The following CPLX2 variants were observed in gnomAD, a reference collection of about 807,000 sequenced individuals.
CPLX2 encodes complexin-2.
In CPLX2, 5 loss-of-function variants were observed where a neutral mutation model predicts 16.3. The observed-to-expected ratio is 0.31, with a 90% CI of 0.16 to 0.64. The LOEUF (loss-of-function observed/expected upper bound fraction) is 0.64, where lower values mean the gene tolerates loss of function less well. Among genes scored for constraint, CPLX2 ranks in the 30% least tolerant of loss-of-function variants. The pLI is 0.79. For synonymous variants in CPLX2, 89 were observed against 73.2 expected (o/e 1.22, Z -1.10); for missense variants, 144 against 181.4 (o/e 0.79, Z 1.18).
At chr5:175,875,648 A>G (rs1759740365) in intron 1 of CPLX2, among the ~76,000 whole-genome samples, 1 of 152,120 alleles carries the variant, frequency 6.6e-6, no homozygotes, top group Non-Finnish European at 1.5e-5. Context: ...GACCCCTTAT[A>G]CTTTCGCCCG....
chr5:175,881,628 G>C lies in CPLX2; in HGVS notation c.*1583G>C, dbSNP rs1051519893. 1 of 152,796 alleles carries C rather than the reference G, an allele frequency of 6.5e-6. No individual in the cohort carries two copies. The highest frequency in any genetic ancestry group is 2.4e-5 in the African/African-American group (1 of 41,434). 9.5% of individuals were successfully genotyped at this position (152,796 alleles called of 1,614,324 possible). A position where few individuals can be genotyped will look rare whatever the true frequency, so the allele number is the denominator to read the frequency against. ...GGATGTGTGCGTGGGGAGAAAGAACGTGGGTAAGATGTCCCTTCCCAGCCC... is the reference window on the plus strand; with the variant it reads ...GGATGTGTGCGTGGGGAGAAAGAACCTGGGTAAGATGTCCCTTCCCAGCCC... On this transcript the variant is annotated 3_prime_UTR_variant, in exon 4 of 4. Coordinates refer to ENST00000393745, the MANE Select transcript of CPLX2 (RefSeq NM_001008220.2).
intron 1 of CPLX2, among the ~76,000 whole-genome samples, chr5:175,807,990 C>A (rs533063602): frequency 8.9e-4 from 135 of 152,270 alleles, no homozygotes; most frequent in African/African-American, 3.1e-3. Context: ...CTTCCTGGAG[C>A]CACTGAGAGC....
chr5:175,878,713 T>C lies in CPLX2; in HGVS notation c.-27T>C. The C allele has an allele frequency of 6.2e-7, 1 of 1,612,148 alleles. No homozygotes were observed. The highest frequency in any genetic ancestry group is 8.5e-7 in the Non-Finnish European group (1 of 1,179,478). Reference sequence around the variant, plus strand: ...GCTGCATGCAAATTCTGCCGTGGGCTAAGGCACGCTAACCAGAGCCGGCGG... The same window carrying C: ...GCTGCATGCAAATTCTGCCGTGGGCCAAGGCACGCTAACCAGAGCCGGCGG... On this transcript the variant is annotated 5_prime_UTR_variant, in exon 2 of 4. Transcript: ENST00000393745.
chr5:175,857,497 CA>C (rs1759281740), intron 2 of CPLX2, among the ~76,000 whole-genome samples: 1 of 152,200 alleles, frequency 6.6e-6, no homozygotes, highest in Non-Finnish European at 1.5e-5. Flanking sequence ...ACCTACTGAG[CA>C]TCATTGCTGA....
chr5:175,842,917 C>T (rs1386376869), intron 2 of CPLX2, among the ~76,000 whole-genome samples: 1 of 152,200 alleles, frequency 6.6e-6, no homozygotes, highest in Non-Finnish European at 1.5e-5. Flanking sequence ...GAGAACATCC[C>T]ACCAAGTTTC....
chr5:175,848,962 A>C (rs143185593), intron 2 of CPLX2, among the ~76,000 whole-genome samples: 1 of 152,208 alleles, frequency 6.6e-6, no homozygotes, highest in East Asian at 1.9e-4. Context: ...CATAGAGGAG[A>C]CGGCTCAGTT....
chr5:175,821,068 C>T (rs1010125589), intron 2 of CPLX2, among the ~76,000 whole-genome samples: 1 of 152,176 alleles, frequency 6.6e-6, no homozygotes, highest in African/African-American at 2.4e-5. Flanking sequence ...AAGATCCTGG[C>T]TGCTCCTGAC....
At chr5:175,867,834 TG>T (rs927511791), upstream of CPLX2, among the ~76,000 whole-genome samples, 3 of 152,196 alleles carry the variant, frequency 2.0e-5, no homozygotes, top group Admixed American at 2.0e-4. Context: ...TGCACACTTA[TG>T]GGTTTGCCCT....
At chr5:175,799,552 A>ATATATTTATATT (rs1561766335) in intron 1 of CPLX2, among the ~76,000 whole-genome samples, 4 of 133,362 alleles carry the variant, frequency 3.0e-5, no homozygotes, top group African/African-American at 6.1e-5. Context: ...ATATATATAT[A>ATATATTTATATT]TATATATATA....
rs908679012 is a variant in CPLX2, at chr5:175,881,573, T to C, written c.*1528T>C. The C allele has an allele frequency of 1.3e-5, 2 of 153,012 alleles. No individual in the cohort carries two copies. Among genetic ancestry groups the C allele is most frequent in the Non-Finnish European group, 2.9e-5 (2 of 68,136 alleles). 9.5% of individuals were successfully genotyped at this position (153,012 alleles called of 1,614,324 possible). A position where few individuals can be genotyped will look rare whatever the true frequency, so the allele number is the denominator to read the frequency against. ...CATTTGAAGGCTGCTGTGTGCATGT[T>C]TGGGGGTCTGAAAAGACAGTTGTGT... On this transcript the variant is annotated 3_prime_UTR_variant, in exon 4 of 4. Coordinates refer to ENST00000393745, the MANE Select transcript of CPLX2 (RefSeq NM_001008220.2).
chr5:175,853,292 A>C (rs1274159106), intron 2 of CPLX2, among the ~76,000 whole-genome samples: 1 of 152,226 alleles, frequency 6.6e-6, no homozygotes, highest in South Asian at 2.1e-4. Context: ...CCGGGGACAC[A>C]CTGGCTCCTC....
intron 1 of CPLX2, chr5:175,805,455 G>A (rs1461196829): frequency 6.6e-6 from 1 of 152,242 alleles, no homozygotes; most frequent in Non-Finnish European, 1.5e-5. Context: ...AGGGAAAACG[G>A]ACACCTGTGG....
At chr5:175,812,547 A>T (rs1758331367) in intron 2 of CPLX2, among the ~76,000 whole-genome samples, 1 of 152,210 alleles carries the variant, frequency 6.6e-6, no homozygotes. Context: ...CAAAATGGAA[A>T]ATTTCAAGAT....
intron 3 of CPLX2, among the ~76,000 whole-genome samples, 190 bp downstream of exon 3, chr5:175,879,273 TAA>T (rs1755509002): frequency 6.6e-6 from 1 of 152,194 alleles, no homozygotes; most frequent in Admixed American, 6.5e-5. Flanking sequence ...GGGGATTAAA[TAA>T]GAGAATGCGC....
At chr5:175,813,701 A>G (rs529541907) in intron 2 of CPLX2, among the ~76,000 whole-genome samples, 58 of 152,368 alleles carry the variant, frequency 3.8e-4, no homozygotes. Flanking sequence ...GGCACAGACC[A>G]TCGGGGATCC....
chr5:175,850,630 CCCTGAGAAGT>C (rs1465580133), intron 2 of CPLX2, among the ~76,000 whole-genome samples: 15 of 152,322 alleles, frequency 9.8e-5, no homozygotes, highest in African/African-American at 3.6e-4. Flanking sequence ...ACAGCAAAGG[CCCTGAGAAGT>C]CCTGCAGGGG....
At chr5:175,863,077 G>A (rs937105525) in intron 2 of CPLX2, among the ~76,000 whole-genome samples, 7 of 152,362 alleles carry the variant, frequency 4.6e-5, no homozygotes, top group Admixed American at 2.6e-4. Context: ...CCAGGCTGGT[G>A]GTGAGAACAG....
intron 1 of CPLX2, among the ~76,000 whole-genome samples, chr5:175,797,690 C>T (rs778202113): frequency 6.6e-5 from 10 of 152,116 alleles, no homozygotes; most frequent in Non-Finnish European, 1.5e-4. Context: ...CAGCTCCAGG[C>T]TCCCTCTCTC....
intron 2 of CPLX2, among the ~76,000 whole-genome samples, chr5:175,860,216 C>T (rs532298348): frequency 1.3e-5 from 2 of 152,130 alleles, no homozygotes; most frequent in Non-Finnish European, 2.9e-5. Flanking sequence ...TTTGGTCAGG[C>T]ACTGTGGCTC....
Sources: allele counts gnomAD v4.1 joint callset (sites outside exome capture counted in the v4.1 genomes callset), GRCh38; gene constraint gnomAD v4.1.1; transcripts MANE v1.5; gene names NCBI Gene and HGNC (gene_info 2026-07-23, HGNC 2026-07-21).